Variants in ATP5PO observed in about 807,000 individuals in gnomAD.
ATP5PO encodes the protein ATP synthase peripheral stalk subunit OSCP, mitochondrial.
In ATP5PO, 14 loss-of-function variants were observed where a neutral mutation model predicts 26.2. That is an observed-to-expected ratio of 0.53 (90% CI 0.35 to 0.83). ATP5PO has a LOEUF of 0.83. Ranked by LOEUF, ATP5PO falls within the 40% of genes least tolerant of loss-of-function variation. The pLI, the probability that ATP5PO is intolerant of heterozygous loss-of-function variation, is 0.01. For synonymous variants in ATP5PO, 106 were observed against 95.1 expected, an observed-to-expected ratio of 1.12 and a Z score of -0.67; for missense variants, 241 against 258.5, an observed-to-expected ratio of 0.93 and a Z score of 0.46.
At chr21:33,914,673 C>T (rs1987291208) in intron 1 of ATP5PO, 173 bp from the exon 2 acceptor site, 1 of 559,052 alleles carries the variant, frequency 1.8e-6, no homozygotes, top group African/African-American at 1.9e-5. Context: ...GGTAAACTTA[C>T]CCAATGAGGA....
chr21:33,909,857 T>C (rs1987225745), intron 3 of ATP5PO, among the ~76,000 whole-genome samples: 1 of 152,236 alleles, frequency 6.6e-6, no homozygotes, highest in Non-Finnish European at 1.5e-5. Context: ...TCTGGTTTTC[T>C]AGCAGTGCTA....
chr21:33,914,413 G>A (rs762311058), intron 2 of ATP5PO, 37 bp downstream of exon 2: 10 of 1,591,254 alleles, frequency 6.3e-6, no homozygotes, highest in East Asian at 4.5e-5. Flanking sequence ...ACACTTTCGC[G>A]TACTTTATCA....
intron 5 of ATP5PO, among the ~76,000 whole-genome samples, chr21:33,904,570 A>T (rs1431203296): frequency 6.6e-6 from 1 of 152,194 alleles, no homozygotes; most frequent in African/African-American, 2.4e-5. Context: ...CCCCAGTGAG[A>T]GAACCTGGAG....
intron 5 of ATP5PO, among the ~76,000 whole-genome samples, chr21:33,904,821 G>A (rs1987147593): frequency 7.2e-5 from 11 of 152,016 alleles, no homozygotes; most frequent in Admixed American, 7.2e-4. Flanking sequence ...GCTTACTGTA[G>A]CCTCCGCCTC....
At chr21:33,913,905 G>A (rs754118320) in intron 2 of ATP5PO, among the ~76,000 whole-genome samples, 1 of 151,856 alleles carries the variant, frequency 6.6e-6, no homozygotes, top group African/African-American at 2.4e-5. Context: ...TCAGCCTCCC[G>A]AGTGGCTGGG....
At chr21:33,904,291 GCT>G (rs1385319062) in intron 5 of ATP5PO, among the ~76,000 whole-genome samples, 3 of 152,226 alleles carry the variant, frequency 2.0e-5, no homozygotes, top group Non-Finnish European at 4.4e-5. Flanking sequence ...CCCTGCCTCT[GCT>G]CTGTGTGCTA....
At chr21:33,905,564 T>C (rs73900401) in intron 5 of ATP5PO, among the ~76,000 whole-genome samples, 2,926 of 152,232 alleles carry the variant, frequency 0.019, 103 homozygotes, top group African/African-American at 0.067. Flanking sequence ...TCAAAAGCAT[T>C]AGTAACAGTT....
At chr21:33,912,162 GT>G (rs1987257640) in intron 3 of ATP5PO, 126 bp downstream of exon 3, 1 of 618,826 alleles carries the variant, frequency 1.6e-6, no homozygotes, top group Admixed American at 3.2e-5. Context: ...CTAAAAATGT[GT>G]TTACAGACAA....
chr21:33,911,730 G>A (rs974692315), intron 3 of ATP5PO, among the ~76,000 whole-genome samples: 3 of 138,136 alleles, frequency 2.2e-5, no homozygotes, highest in South Asian at 2.4e-4. Flanking sequence ...GCAATGGCGC[G>A]ATCTCGGCTC....
intron 4 of ATP5PO, among the ~76,000 whole-genome samples, chr21:33,908,191 G>C (rs1466708485): frequency 7.6e-6 from 1 of 131,422 alleles, no homozygotes; most frequent in East Asian, 2.3e-4. Context: ...AAAAAAAAAA[G>C]AATGGAGAAG....
chr21:33,903,636 C>T lies in ATP5PO; in HGVS notation c.532G>A (p.Asp178Asn). ...ATCATTCCACCCAAGATTGACGGAT[C>T]AGTCTACAAAAGAAGTAAGACTGGA... ...GQVLKLEAKT[D>N]PSILGGMIVR... Residue 178 changes from aspartate to asparagine, a missense_variant, in exon 7 of 7, where the codon GAT (aspartate) becomes AAT (asparagine). Around this residue, in one of 3 missense-constraint regions of ATP5PO, gnomAD observed 77 missense variants for 74.5 expected, o/e 1.03. Transcript: ENST00000290299. 6.2e-7 allele frequency: 1 copy of T among 1,613,976 alleles called. No homozygotes were observed. Among genetic ancestry groups the T allele is most frequent in the Non-Finnish European group, 8.5e-7 (1 of 1,179,898 alleles).
intron 3 of ATP5PO, among the ~76,000 whole-genome samples, chr21:33,911,674 T>G (rs912661787): frequency 6.9e-6 from 1 of 145,180 alleles, no homozygotes; most frequent in Non-Finnish European, 1.5e-5. Context: ...TTTTTTTTTT[T>G]TTTTTTTTTT....
At chr21:33,907,575 G>A (rs953452174) in intron 4 of ATP5PO, 122 bp from the exon 5 acceptor site, 20 of 746,976 alleles carry the variant, frequency 2.7e-5, no homozygotes, top group Non-Finnish European at 2.0e-5. Context: ...ATACAGGGGC[G>A]CATGCCTATA....
At chr21:33,909,263 A>C (rs199586762) in intron 3 of ATP5PO, 52 bp from the exon 4 acceptor site, 126 of 1,569,586 alleles carry the variant, frequency 8.0e-5, no homozygotes, top group Non-Finnish European at 1.0e-4. Flanking sequence ...CAAATGAAGG[A>C]TGTGCCATGC....
intron 5 of ATP5PO, among the ~76,000 whole-genome samples, chr21:33,905,678 C>A (rs1987159868): frequency 1.3e-5 from 2 of 152,092 alleles, no homozygotes; most frequent in South Asian, 4.2e-4. Flanking sequence ...ATTGGGAGGC[C>A]AAGGTGGGTG....
At chr21:33,905,151 C>T (rs1348766329) in intron 5 of ATP5PO, among the ~76,000 whole-genome samples, 1 of 152,076 alleles carries the variant, frequency 6.6e-6, no homozygotes, top group Non-Finnish European at 1.5e-5. Context: ...ATAACAATAT[C>T]CTTTTTTTGG....
rs772010598 is a variant in ATP5PO at position 33,909,103 on chromosome 21, G to A, written c.307C>T (p.Pro103Ser). The A allele has an allele frequency of 1.2e-6, 2 of 1,612,082 alleles. No homozygotes were observed. Among genetic ancestry groups the A allele is most frequent in the East Asian group, 2.2e-5 (1 of 44,894 alleles). The change falls in exon 4 of 7, where the codon CCC becomes TCC. Residue 103 changes from proline to serine, a missense_variant. Physicochemically the swap from Pro to Ser is moderately conservative, Grantham distance 74 (BLOSUM62 -1). Around this residue, in one of 3 missense-constraint regions of ATP5PO, gnomAD observed 39 missense variants for 75.5 expected, o/e 0.52. Coordinates refer to ENST00000290299, the MANE Select transcript of ATP5PO (RefSeq NM_001697.3). ...TCACTGATCAGATTGGTAGTGAGGG[G>A]AGAGAACCTCTCTTTTGCTGTGATG... ...NDITAKERFS[P>S]LTTNLINLLA...
intron 3 of ATP5PO, among the ~76,000 whole-genome samples, chr21:33,910,316 AC>A (rs1987231522): frequency 6.6e-6 from 1 of 152,082 alleles, no homozygotes; most frequent in Non-Finnish European, 1.5e-5. Flanking sequence ...GAGTGACCCC[AC>A]AGAAATGACA....
In ATP5PO at chr21:33,912,296, C is replaced by T; in HGVS notation, c.191G>A (p.Arg64Lys). 2 of 1,610,732 alleles carry T rather than the reference C, an allele frequency of 1.2e-6. No homozygotes were observed. Among genetic ancestry groups the T allele is most frequent in the Non-Finnish European group, 8.5e-7 (1 of 1,177,884 alleles). ...KLEQVEKELL[R>K]VAQILKEPKV... ...AATAGGAAAGCTACTTACTGCTACTCTCAACAACTCCTTTTCTACTTGCTC... is the reference window on the plus strand; with the variant it reads ...AATAGGAAAGCTACTTACTGCTACTTTCAACAACTCCTTTTCTACTTGCTC... The change falls in exon 3 of 7, where the codon AGA becomes AAA. Residue 64 changes from arginine to lysine, a missense_variant. Arg to Lys is a conservative substitution (Grantham distance 26, BLOSUM62 2). Coordinates refer to ENST00000290299, the MANE Select transcript of ATP5PO (RefSeq NM_001697.3).
Sources: allele counts gnomAD v4.1 joint callset (sites outside exome capture counted in the v4.1 genomes callset), GRCh38; gene constraint gnomAD v4.1.1; regional missense constraint gnomAD v4.1.1; transcripts MANE v1.5; gene names NCBI Gene and HGNC (gene_info 2026-07-23, HGNC 2026-07-21).